Variants in MARCHF2 observed in about 807,000 individuals in gnomAD.
MARCHF2 encodes membrane associated ring-CH-type finger 2, also known as E3 ubiquitin-protein ligase MARCHF2.
A neutral mutation model predicts 24.0 loss-of-function variants in MARCHF2; 22 were observed. That is an observed-to-expected ratio of 0.92 (90% CI 0.66 to 1.31). The LOEUF is 1.31. Among genes scored for constraint, MARCHF2 ranks in the 50% most tolerant of loss-of-function variants. The probability of loss-of-function intolerance (pLI) is 0.00; values close to 1 mark genes in which losing one functional copy is unlikely to be tolerated. For synonymous variants in MARCHF2, 154 were observed against 153.0 expected (o/e 1.01, Z -0.05); for missense variants, 301 against 335.3 (o/e 0.90, Z 0.80).
rs747473271 is a variant in MARCHF2, at chr19:8,421,997, C to T, written c.157C>T (p.Arg53Cys). Residue 53 changes from arginine to cysteine, a missense_variant, in exon 2 of 5, where the codon CGT becomes TGT. Physicochemically the swap from Arg to Cys is radical, Grantham distance 180. Coordinates refer to ENST00000215555, the MANE Select transcript of MARCHF2 (RefSeq NM_001005415.2). ...TGGCCGGCTCCTCTCCACCGTCATC[C>T]GTGCCTTGGACACACCGAGGTGAGT... ...RDGRLLSTVI[R>C]ALDTPSDGPF... is the part of the protein sequence containing the mutation. 1.6e-5 allele frequency: 26 copies of T among 1,612,684 alleles called. No individual in the cohort carries two copies. The East Asian group carries it at 1.8e-4, about 11-fold the overall frequency.
intron 2 of MARCHF2, chr19:8,423,737 T>G (rs1391407199): frequency 6.6e-6 from 1 of 152,078 alleles, no homozygotes; most frequent in Non-Finnish European, 1.5e-5. Flanking sequence ...TGGTCGCTCA[T>G]GCCTGTAGTC....
At chr19:8,417,745 T>G (rs1348705693) in intron 1 of MARCHF2, among the ~76,000 whole-genome samples, 2 of 98,018 alleles carry the variant, frequency 2.0e-5, no homozygotes, top group African/African-American at 3.8e-5. Context: ...GCCAATACCC[T>G]GTCTTTTTTT....
At chr19:8,419,048 G>A (rs1307021888) in intron 1 of MARCHF2, among the ~76,000 whole-genome samples, 1 of 151,996 alleles carries the variant, frequency 6.6e-6, no homozygotes. Flanking sequence ...TCCAGAAAGG[G>A]CCCTTGTTTC....
chr19:8,422,062 C>T (rs1479294602), intron 2 of MARCHF2, 46 bp downstream of exon 2: 3 of 1,553,138 alleles, frequency 1.9e-6, no homozygotes, highest in Middle Eastern at 1.7e-4. Context: ...TGCCTCTTCT[C>T]TCTGGGCGCA....
chr19:8,416,290 T>C (rs1347269493), intron 1 of MARCHF2, among the ~76,000 whole-genome samples: 1 of 141,844 alleles, frequency 7.1e-6, no homozygotes, highest in Non-Finnish European at 1.5e-5. Context: ...TGCAGTGAGC[T>C]GAGATCGGCC....
At position 8,438,564 on chromosome 19, in the gene MARCHF2, C is replaced by T. The variant is rs1453238850; in HGVS notation, c.*18C>T. ...CAGTATGAATGCTGGGCTCTCCGGA[C>T]CCTGCAGCAGAGAGGCCAGAGGTAG... On this transcript the variant is annotated 3_prime_UTR_variant, in exon 5 of 5. Transcript: ENST00000215555. 2 of 1,612,618 alleles carry T rather than the reference C, an allele frequency of 1.2e-6. No homozygotes were observed. The highest frequency in any genetic ancestry group is 2.7e-5 in the African/African-American group (2 of 74,884).
chr19:8,430,288 G>C lies in MARCHF2; in HGVS notation c.373-370G>C, dbSNP rs770198082. On this transcript the variant is annotated intron_variant, in intron 3 of 4. Coordinates refer to ENST00000215555, the MANE Select transcript of MARCHF2 (RefSeq NM_001005415.2). This position sits in a 1 kb window ranked among gnomAD's most constrained non-coding sequence, Gnocchi z 4.4. ...TGAGGTGGGAGAATCGCTTGAACCT[G>C]GGATGTTGAGGTTGCAGTGAGCCGA... Among the ~76,000 whole-genome samples, 2 of 151,720 alleles carry C rather than the reference G, an allele frequency of 1.3e-5. No homozygotes were observed. Among genetic ancestry groups the C allele is most frequent in the East Asian group, 3.9e-4 (2 of 5,136 alleles).
At chr19:8,438,141 G>A (rs3815783) in intron 4 of MARCHF2, among the ~76,000 whole-genome samples, 41,379 of 151,942 alleles carry the variant, frequency 0.27, 6,501 homozygotes, top group South Asian at 0.42. Context: ...AGGAGCTCCC[G>A]TTTGCTTCCT....
chr19:8,426,572 C>T (rs1395805955), intron 2 of MARCHF2, 37 bp from the exon 3 acceptor site: 1 of 1,578,224 alleles, frequency 6.3e-7, no homozygotes, highest in Non-Finnish European at 8.7e-7. Context: ...AGACAGAAAG[C>T]CCAATCATTG....
chr19:8,418,006 T>C (rs1279940423), intron 1 of MARCHF2, among the ~76,000 whole-genome samples: 8 of 138,312 alleles, frequency 5.8e-5, no homozygotes, highest in East Asian at 2.2e-4. Context: ...TCAGGTGATC[T>C]GCCCACCTCG....
intron 4 of MARCHF2, 148 bp from the exon 5 acceptor site, chr19:8,438,240 A>G: frequency 1.3e-6 from 1 of 783,760 alleles, no homozygotes; most frequent in Non-Finnish European, 2.1e-6. Flanking sequence ...GTGTGTGTGC[A>G]CTTTGTGGGA....
At chr19:8,427,066 T>C (rs1967425506) in intron 3 of MARCHF2, among the ~76,000 whole-genome samples, 2 of 152,190 alleles carry the variant, frequency 1.3e-5, no homozygotes, top group Admixed American at 1.3e-4. Flanking sequence ...CTTCTTTTTT[T>C]TGAGACAGAG....
At chr19:8,417,316 C>T (rs1363670766) in intron 1 of MARCHF2, among the ~76,000 whole-genome samples, 5 of 152,140 alleles carry the variant, frequency 3.3e-5, no homozygotes, top group Non-Finnish European at 7.4e-5. Flanking sequence ...TGGTGAAACA[C>T]AGCTGTAGTC....
At chr19:8,422,457 G>C (rs1181952737) in intron 2 of MARCHF2, among the ~76,000 whole-genome samples, 1 of 151,562 alleles carries the variant, frequency 6.6e-6, no homozygotes, top group Non-Finnish European at 1.5e-5. Context: ...CAGTGGCGCA[G>C]TCTCAGCTCA....
chr19:8,430,713 T>G lies in MARCHF2; in HGVS notation c.428T>G (p.Val143Gly), dbSNP rs1967558163. Reference protein sequence around the residue: ...TEKRTLCCDMVCFLFITPLAA... With the variant: ...TEKRTLCCDMGCFLFITPLAA... ...AAGCGGACACTGTGCTGCGACATGG[T>G]GTGTTTCCTGTTCATCACACCGCTG... Residue 143 changes from valine to glycine, a missense_variant, in exon 4 of 5, where the codon GTG (valine) becomes GGG (glycine). Val to Gly is a moderately radical substitution (Grantham distance 109). Coordinates refer to ENST00000215555, the MANE Select transcript of MARCHF2 (RefSeq NM_001005415.2). This position sits in a 1 kb window ranked among gnomAD's most constrained non-coding sequence, Gnocchi z 4.4. The G allele has an allele frequency of 6.2e-7, 1 of 1,611,160 alleles. No homozygotes were observed. Among genetic ancestry groups the G allele is most frequent in the Admixed American group, 1.7e-5 (1 of 59,952 alleles).
At chr19:8,418,134 C>A (rs561986218) in intron 1 of MARCHF2, among the ~76,000 whole-genome samples, 1 of 152,134 alleles carries the variant, frequency 6.6e-6, no homozygotes. Flanking sequence ...GGAAAGGACT[C>A]GCCTCTGCCT....
At chr19:8,426,567 G>A in intron 2 of MARCHF2, 42 bp from the exon 3 acceptor site, 1 of 1,566,104 alleles carries the variant, frequency 6.4e-7, no homozygotes, top group African/African-American at 1.3e-5. Flanking sequence ...GGTATAGACA[G>A]AAAGCCCAAT....
At chr19:8,424,112 A>G (rs1303636841) in intron 2 of MARCHF2, among the ~76,000 whole-genome samples, 6 of 152,120 alleles carry the variant, frequency 3.9e-5, no homozygotes, top group Non-Finnish European at 8.8e-5. Context: ...TGTTTGGGAA[A>G]CAGTGACTCA....
chr19:8,436,677 C>CTTTT (rs71175858), intron 4 of MARCHF2, among the ~76,000 whole-genome samples: 32 of 71,546 alleles, frequency 4.5e-4, no homozygotes, highest in African/African-American at 1.6e-3. Flanking sequence ...TAAGGGCTTT[C>CTTTT]TTTTTTTTTT....
Sources: gnomAD v4.1 joint callset for allele counts (sites outside exome capture counted in the v4.1 genomes callset) on GRCh38, gnomAD v4.1.1 for gene constraint, Gnocchi (gnomAD v3.1) non-coding constraint, MANE v1.5 for transcripts, NCBI Gene and HGNC (gene_info 2026-07-23, HGNC 2026-07-21) for gene names.